The following SPRED1 variants were observed in gnomAD, a reference collection of about 807,000 sequenced individuals.
The protein encoded by SPRED1 is sprouty-related, EVH1 domain-containing protein 1.
A neutral mutation model predicts 52.3 loss-of-function variants in SPRED1; 18 were observed. The observed-to-expected ratio is 0.34, with a 90% CI of 0.24 to 0.51. SPRED1 has a LOEUF of 0.51. Ranked by LOEUF, SPRED1 falls within the 20% of genes least tolerant of loss-of-function variation. The pLI is 0.97. For synonymous variants in SPRED1, 155 were observed against 179.7 expected (o/e 0.86, Z 1.10); for missense variants, 485 against 551.0 (o/e 0.88, Z 1.20).
chr15:38,255,006 C>T (rs1894063204), intron 1 of SPRED1, among the ~76,000 whole-genome samples: 1 of 152,156 alleles, frequency 6.6e-6, no homozygotes, highest in Admixed American at 6.5e-5. Context: ...TTTCTTAAAG[C>T]AGTGAATATC....
At chr15:38,267,782 T>C (rs945704912) in intron 1 of SPRED1, among the ~76,000 whole-genome samples, 1 of 152,250 alleles carries the variant, frequency 6.6e-6, no homozygotes, top group Non-Finnish European at 1.5e-5. Flanking sequence ...TAAAGTCTTA[T>C]GATTCCAAAG....
chr15:38,343,840 C>T (rs942665008), intron 5 of SPRED1, among the ~76,000 whole-genome samples: 2 of 152,040 alleles, frequency 1.3e-5, no homozygotes, highest in African/African-American at 2.4e-5. Context: ...TTTTAATCCT[C>T]TCAACAAACT....
intron 2 of SPRED1, among the ~76,000 whole-genome samples, chr15:38,313,096 C>A (rs1490864263): frequency 2.6e-5 from 4 of 151,820 alleles, no homozygotes; most frequent in Admixed American, 1.3e-4. Context: ...TGCTTTTTAC[C>A]CTAATTGTTC....
chr15:38,314,537 G>C (rs1417881668), intron 2 of SPRED1, among the ~76,000 whole-genome samples: 1 of 151,492 alleles, frequency 6.6e-6, no homozygotes. Context: ...TTCCTCTATT[G>C]GTTGTTTGTT....
intron 2 of SPRED1, among the ~76,000 whole-genome samples, chr15:38,302,385 TA>T (rs1401080594): frequency 1.3e-5 from 2 of 152,260 alleles, no homozygotes; most frequent in African/African-American, 4.8e-5. Flanking sequence ...GTTTTATTTT[TA>T]TTTTTTTATT....
At chr15:38,259,215 G>T (rs1894158912) in intron 1 of SPRED1, among the ~76,000 whole-genome samples, 1 of 152,124 alleles carries the variant, frequency 6.6e-6, no homozygotes, top group African/African-American at 2.4e-5. Context: ...TATCTTTGAT[G>T]ACACAAAATT....
In SPRED1 at chr15:38,339,767, G is replaced by A; in HGVS notation, c.454G>A (p.Val152Met). The A allele has an allele frequency of 6.2e-7, 1 of 1,613,890 alleles. No homozygotes were observed. The highest frequency in any genetic ancestry group is 8.5e-7 in the Non-Finnish European group (1 of 1,179,904). ...TGAAGAGGATTCTTCCAGTTCTCTA[G>A]TGAAGGATCACCTTTTTCAGCAAGA... ...ANEEDSSSSL[V>M]KDHLFQQETV... Residue 152 changes from valine (V) to methionine (M), a missense_variant, in exon 5 of 7, where the codon GTG becomes ATG. Val to Met is a conservative substitution (Grantham distance 21). Transcript: ENST00000299084.
At chr15:38,337,532 A>T (rs576320062) in intron 4 of SPRED1, among the ~76,000 whole-genome samples, 1 of 152,304 alleles carries the variant, frequency 6.6e-6, no homozygotes, top group African/African-American at 2.4e-5. Flanking sequence ...GTAAACATTT[A>T]AAAATCATTT....
In SPRED1 at chr15:38,352,962, A is replaced by G. The variant is rs376795432; in HGVS notation, c.*1298A>G. On this transcript the variant is annotated 3_prime_UTR_variant, in exon 7 of 7. Coordinates refer to ENST00000299084, the MANE Select transcript of SPRED1 (RefSeq NM_152594.3). Reference sequence around the variant, plus strand: ...CAGAGCATTATATTACTGGATGTTTAATTTACAAAATAGTTGGGTAAATGT... The same window carrying G: ...CAGAGCATTATATTACTGGATGTTTGATTTACAAAATAGTTGGGTAAATGT... 1 of 152,310 alleles carries G rather than the reference A, an allele frequency of 6.6e-6. No individual in the cohort carries two copies. The highest frequency in any genetic ancestry group is 2.4e-5 in the African/African-American group (1 of 41,580). The allele number at this position is 152,310 out of a possible 1,614,324, so 9.4% of individuals were successfully genotyped here. A position where few individuals can be genotyped will look rare whatever the true frequency, so the allele number is the denominator to read the frequency against.
chr15:38,297,798 G>T (rs1895069420), intron 1 of SPRED1, among the ~76,000 whole-genome samples: 1 of 152,088 alleles, frequency 6.6e-6, no homozygotes, highest in South Asian at 2.1e-4. Context: ...TGTCAGGCAT[G>T]GTTTACATTT....
chr15:38,306,104 T>A (rs1895246104), intron 2 of SPRED1, among the ~76,000 whole-genome samples: 1 of 152,206 alleles, frequency 6.6e-6, no homozygotes, highest in South Asian at 2.1e-4. Context: ...ACTGATTTCC[T>A]AGAGACAATT....
At chr15:38,334,565 T>A (rs1193526451) in intron 4 of SPRED1, among the ~76,000 whole-genome samples, 1 of 152,070 alleles carries the variant, frequency 6.6e-6, no homozygotes, top group South Asian at 2.1e-4. Flanking sequence ...TATGAATCCA[T>A]CAATTCATCC....
Position 38,253,088 on chromosome 15 carries a change from C to G in SPRED1, c.-98C>G. The G allele has an allele frequency of 9.5e-7, 1 of 1,050,492 alleles. No individual in the cohort carries two copies. The highest frequency in any genetic ancestry group is 1.4e-6 in the Non-Finnish European group (1 of 696,118). 65.1% of individuals were successfully genotyped at this position (1,050,492 alleles called of 1,614,324 possible). On this transcript the variant is annotated 5_prime_UTR_variant, in exon 1 of 7. Transcript: ENST00000299084. ...GGCCCCTGTGCCGCTGCCCCCGCGCCCCCCCGGCCGCCGCTGCCTCCTGCC... is the reference window on the plus strand; with the variant it reads ...GGCCCCTGTGCCGCTGCCCCCGCGCGCCCCCGGCCGCCGCTGCCTCCTGCC...
chr15:38,282,238 G>T (rs575888363), intron 1 of SPRED1, among the ~76,000 whole-genome samples: 1 of 152,132 alleles, frequency 6.6e-6, no homozygotes, highest in East Asian at 1.9e-4. Flanking sequence ...ACTTTGGGAG[G>T]CTGAGGCCGG....
At chr15:38,316,748 GTTTTTTTTT>G (rs1555390721) in intron 2 of SPRED1, among the ~76,000 whole-genome samples, 11 of 41,912 alleles carry the variant, frequency 2.6e-4, no homozygotes, top group African/African-American at 3.8e-4. Flanking sequence ...TCCATTATAT[GTTTTTTTTT>G]TTTTTTTTTT....
At chr15:38,260,968 C>T (rs1894193308) in intron 1 of SPRED1, among the ~76,000 whole-genome samples, 1 of 152,122 alleles carries the variant, frequency 6.6e-6, no homozygotes, top group African/African-American at 2.4e-5. Flanking sequence ...CAAATAGTGG[C>T]TGCAAATTTT....
chr15:38,268,066 A>G (rs1380259777), intron 1 of SPRED1: 2 of 152,236 alleles, frequency 1.3e-5, no homozygotes, highest in East Asian at 1.9e-4. Flanking sequence ...AAATAATTAT[A>G]TACTTATAAA....
chr15:38,350,605 A>T (rs182439550), intron 6 of SPRED1, among the ~76,000 whole-genome samples: 405 of 152,230 alleles, frequency 2.7e-3, no homozygotes, highest in Non-Finnish European at 5.1e-3. Flanking sequence ...ATCAACTCTT[A>T]AGTCCCAAAT....
intron 1 of SPRED1, 152 bp from the exon 2 acceptor site, chr15:38,299,221 T>C: frequency 1.1e-6 from 1 of 881,538 alleles, no homozygotes; most frequent in East Asian, 2.4e-5. Flanking sequence ...CTCTTTCAAG[T>C]AGGCTACTTT....
Sources: gnomAD v4.1 joint callset for allele counts (sites outside exome capture counted in the v4.1 genomes callset) on GRCh38, gnomAD v4.1.1 for gene constraint, MANE v1.5 for transcripts, NCBI Gene and HGNC (gene_info 2026-07-23, HGNC 2026-07-21) for gene names.